The following ROBO2 variants were observed in gnomAD, a reference collection of about 807,000 sequenced individuals.
ROBO2 encodes roundabout homolog 2.
ROBO2 carries 53 observed loss-of-function variants against 160.8 expected under a neutral mutation model. That is an observed-to-expected ratio of 0.33 (90% CI 0.26 to 0.41). The LOEUF is 0.41. Ranked by LOEUF, ROBO2 falls within the 10% of genes least tolerant of loss-of-function variation. ROBO2 has a pLI of 1.00. For missense variants in ROBO2, 1,577 were observed against 1,722.4 expected, an observed-to-expected ratio of 0.92 and a Z score of 1.49; for synonymous variants, 664 against 611.7, an observed-to-expected ratio of 1.09 and a Z score of -1.26.
intron 2 of ROBO2, among the ~76,000 whole-genome samples, chr3:77,180,435 T>TATATATATATG (rs1491200828): frequency 1.1e-4 from 7 of 63,910 alleles, no homozygotes; most frequent in Non-Finnish European, 1.9e-4. Context: ...TATATATGTA[T>TATATATATATG]TTTTTTTTTT....
At chr3:77,619,610 T>G (rs2094857059) in intron 22 of ROBO2, among the ~76,000 whole-genome samples, 1 of 152,154 alleles carries the variant, frequency 6.6e-6, no homozygotes. Context: ...CGACTTCATT[T>G]TGGCTCTGTC....
At position 76,407,616 on chromosome 3, in the gene ROBO2, T is replaced by C. The variant is rs73840957; in HGVS notation, c.109+470014T>C. ...AGAGCAATAGGAAAAAATGTCAAAG[T>C]GTCTGATTGAGGGAAATCAGATGGA... On this transcript the variant is annotated intron_variant, in intron 2 of 26. Coordinates refer to the ROBO2 transcript ENST00000487694. Among the ~76,000 whole-genome samples the C allele has an allele frequency of 3.9e-3, 593 of 152,138 alleles. 6 individuals carry two copies. Among genetic ancestry groups the C allele is most frequent in the African/African-American group, 0.013 (558 of 41,542 alleles).
chr3:76,759,066 C>G (rs1052977482), intron 2 of ROBO2, among the ~76,000 whole-genome samples: 4 of 151,682 alleles, frequency 2.6e-5, no homozygotes, highest in African/African-American at 7.3e-5. Context: ...CATATTGCAG[C>G]TTGAAAATAT....
chr3:76,810,102 A>T (rs1261632823), intron 2 of ROBO2, among the ~76,000 whole-genome samples: 1 of 152,108 alleles, frequency 6.6e-6, no homozygotes, highest in African/African-American at 2.4e-5. Context: ...GATTAGAAGA[A>T]TGGGGATACA....
At chr3:76,883,014 A>G (rs533198450) in intron 2 of ROBO2, among the ~76,000 whole-genome samples, 17 of 152,320 alleles carry the variant, frequency 1.1e-4, no homozygotes, top group African/African-American at 4.1e-4. Flanking sequence ...TTCTGCCTAC[A>G]GGAAGGAGAA....
At chr3:76,823,639 A>G (rs1292042311) in intron 2 of ROBO2, among the ~76,000 whole-genome samples, 3 of 152,184 alleles carry the variant, frequency 2.0e-5, no homozygotes, top group Admixed American at 2.0e-4. Context: ...GATGTGAGGT[A>G]TTAAAAATGG....
intron 2 of ROBO2, among the ~76,000 whole-genome samples, chr3:76,494,809 G>A (rs35163806): frequency 0.054 from 8,288 of 152,202 alleles, 327 homozygotes; most frequent in Non-Finnish European, 0.086. Context: ...GACAAATGTC[G>A]TATGATTTCC....
chr3:76,680,300 G>A (rs970942489), intron 2 of ROBO2, among the ~76,000 whole-genome samples: 1 of 144,558 alleles, frequency 6.9e-6, no homozygotes, highest in Non-Finnish European at 1.5e-5. Context: ...TTTTTTGTTT[G>A]TTTGTTTGTT....
intron 2 of ROBO2, among the ~76,000 whole-genome samples, chr3:77,257,682 G>A (rs2153323270): frequency 6.6e-6 from 1 of 152,312 alleles, no homozygotes; most frequent in East Asian, 1.9e-4. Context: ...CATTAGCTTA[G>A]CATAGGAATG....
At chr3:75,923,372 G>A (rs985234572) in intron 1 of ROBO2, among the ~76,000 whole-genome samples, 2 of 152,174 alleles carry the variant, frequency 1.3e-5, no homozygotes, top group African/African-American at 2.4e-5. Context: ...ATATGTTTCT[G>A]CATTTACACA....
intron 5 of ROBO2, among the ~76,000 whole-genome samples, chr3:77,521,004 A>G (rs1209701415): frequency 1.3e-5 from 2 of 151,326 alleles, no homozygotes; most frequent in Non-Finnish European, 3.0e-5. Flanking sequence ...TTATATCAGT[A>G]GGAAACAAGA....
At chr3:76,086,124 A>G (rs561813055) in intron 2 of ROBO2, among the ~76,000 whole-genome samples, 7 of 152,258 alleles carry the variant, frequency 4.6e-5, no homozygotes, top group African/African-American at 1.4e-4. Flanking sequence ...TCTAAAGAAA[A>G]GGGGTTTAAT....
chr3:76,703,880 G>A (rs1202188789), intron 2 of ROBO2, among the ~76,000 whole-genome samples: 4 of 152,122 alleles, frequency 2.6e-5, no homozygotes, highest in African/African-American at 9.7e-5. Context: ...TATAAACCCA[G>A]TAATGGGATT....
At chr3:76,825,602 CCAAAAAAAAAAAA>C in intron 2 of ROBO2, among the ~76,000 whole-genome samples, 1 of 35,368 alleles carries the variant, frequency 2.8e-5, no homozygotes, top group African/African-American at 9.2e-5. Flanking sequence ...ATCATCTTAG[CCAAAAAAAAAAAA>C]AAAAAAAAAA....
chr3:76,168,593 C>G (rs1487427377), intron 2 of ROBO2, among the ~76,000 whole-genome samples: 1 of 152,062 alleles, frequency 6.6e-6, no homozygotes, highest in Non-Finnish European at 1.5e-5. Context: ...CCTTACAAAT[C>G]CACATATCCT....
Position 77,202,968 on chromosome 3 carries a change from G to A in ROBO2, c.388+104628G>A, listed in dbSNP as rs79002542. ...ATGCCCTTATCCACAGTGTATTTTA[G>A]CATGTAGGAAAACATAATCTCAGCC... is the stretch of plus-strand genomic sequence containing the variant. On this transcript the variant is annotated intron_variant, in intron 2 of 25. Transcript: ENST00000461745. Among the ~76,000 whole-genome samples the A allele has an allele frequency of 7.9e-5, 12 of 152,324 alleles. No individual in the cohort carries two copies. In the East Asian group the frequency reaches 1.9e-3, roughly 25 times the overall value.
chr3:75,932,835 G>T (rs1271011677), intron 1 of ROBO2, among the ~76,000 whole-genome samples: 1 of 152,088 alleles, frequency 6.6e-6, no homozygotes, highest in African/African-American at 2.4e-5. Context: ...ACCCATGTCT[G>T]TGCTCTTCAT....
At chr3:76,887,194 ATTTTTTTT>A (rs5850296) in intron 2 of ROBO2, among the ~76,000 whole-genome samples, 11 of 76,576 alleles carry the variant, frequency 1.4e-4, no homozygotes, top group African/African-American at 5.7e-4. Flanking sequence ...TTCAGGAAGC[ATTTTTTTT>A]TTTTTTTTTT....
intron 2 of ROBO2, among the ~76,000 whole-genome samples, chr3:77,244,025 A>G (rs1365792154): frequency 6.6e-6 from 1 of 152,198 alleles, no homozygotes; most frequent in Non-Finnish European, 1.5e-5. Context: ...GGTATCAAGT[A>G]TCCAAATTGC....
Sources: allele counts gnomAD v4.1 joint callset (sites outside exome capture counted in the v4.1 genomes callset), GRCh38; gene constraint gnomAD v4.1.1; transcripts MANE v1.5; gene names NCBI Gene and HGNC (gene_info 2026-07-23, HGNC 2026-07-21).